The following CELF2 variants were observed in gnomAD, a reference collection of about 807,000 sequenced individuals.
CELF2 encodes the protein CUGBP Elav-like family member 2.
CELF2 carries 8 observed loss-of-function variants against 62.6 expected under a neutral mutation model. The ratio of observed to expected loss-of-function variants is 0.13; its 90% CI spans 0.07 to 0.23. The LOEUF (loss-of-function observed/expected upper bound fraction) is 0.23, where lower values mean the gene tolerates loss of function less well. CELF2 is among the 10% of genes least tolerant of loss of function. The probability of loss-of-function intolerance (pLI) is 1.00; values close to 1 mark genes in which losing one functional copy is unlikely to be tolerated. For synonymous variants in CELF2, 258 were observed against 250.0 expected (o/e 1.03, Z -0.30); for missense variants, 333 against 671.0 (o/e 0.50, Z 5.56).
chr10:11,000,180 T>A (rs1015278444), intron 2 of CELF2, among the ~76,000 whole-genome samples: 2 of 152,204 alleles, frequency 1.3e-5, no homozygotes, highest in Non-Finnish European at 1.5e-5. Flanking sequence ...TTTGTTTTTT[T>A]AATCAACTAC....
At chr10:10,866,201 T>C (rs1026240803) in intron 1 of CELF2, among the ~76,000 whole-genome samples, 2 of 152,150 alleles carry the variant, frequency 1.3e-5, no homozygotes, top group African/African-American at 2.4e-5. Context: ...TTCCATACAA[T>C]TGGACAAGGC....
At chr10:11,192,144 T>C (rs1247727465) in intron 2 of CELF2, among the ~76,000 whole-genome samples, 2 of 152,212 alleles carry the variant, frequency 1.3e-5, no homozygotes, top group African/African-American at 4.8e-5. Context: ...GTGAGATTCA[T>C]ACCTACTGAG....
At chr10:10,704,169 A>G in the CELF2 span, among the ~76,000 whole-genome samples, 5 of 152,188 alleles carry the variant, frequency 3.3e-5, no homozygotes, top group African/African-American at 7.2e-5. Context: ...TCTGATTACC[A>G]AGACTTCATT....
Position 11,124,885 on chromosome 10 carries a change from T to G in CELF2, c.75-40601T>G, listed in dbSNP as rs149296023. On this transcript the variant is annotated intron_variant, in intron 1 of 12. Transcript: ENST00000633077. ...TTCACATATGCTTATATATATTTTTTATAAAGCATGAGATTTTCTTCTTAC... is the reference window on the plus strand; with the variant it reads ...TTCACATATGCTTATATATATTTTTGATAAAGCATGAGATTTTCTTCTTAC... 9.5e-4 allele frequency among the ~76,000 whole-genome samples: 144 copies of G among 152,346 alleles called. 2 individuals carry two copies. Among genetic ancestry groups the G allele is most frequent in the Non-Finnish European group, 1.6e-3 (108 of 68,030 alleles).
At chr10:11,074,497 G>A (rs2071238155) in intron 1 of CELF2, among the ~76,000 whole-genome samples, 1 of 152,192 alleles carries the variant, frequency 6.6e-6, no homozygotes, top group Non-Finnish European at 1.5e-5. Flanking sequence ...GTAGCATGGA[G>A]TTAAAGGGAA....
intron 2 of CELF2, chr10:10,970,865 A>G (rs1237245159): frequency 6.6e-6 from 1 of 152,136 alleles, no homozygotes; most frequent in East Asian, 1.9e-4. Flanking sequence ...GGATAGAAAA[A>G]GAAAACTTTG....
At chr10:10,741,789 T>C in the CELF2 span, among the ~76,000 whole-genome samples, 2 of 152,214 alleles carry the variant, frequency 1.3e-5, no homozygotes, top group Admixed American at 6.5e-5. Flanking sequence ...AAATTACTTG[T>C]CATAGGGAAG....
chr10:11,188,335 C>T (rs1197097242), intron 2 of CELF2, among the ~76,000 whole-genome samples: 2 of 152,192 alleles, frequency 1.3e-5, no homozygotes, highest in Non-Finnish European at 2.9e-5. Flanking sequence ...GAACTCCCAA[C>T]CTCAGGTGAT....
the CELF2 span, among the ~76,000 whole-genome samples, chr10:10,725,143 T>C: frequency 6.6e-6 from 1 of 152,236 alleles, no homozygotes; most frequent in Admixed American, 6.5e-5. Flanking sequence ...CTAATTTCCC[T>C]AAGGGTGGCT....
At chr10:11,083,881 G>A (rs1167248020) in intron 1 of CELF2, among the ~76,000 whole-genome samples, 2 of 152,162 alleles carry the variant, frequency 1.3e-5, no homozygotes, top group Non-Finnish European at 2.9e-5. Flanking sequence ...TGAAACCAAG[G>A]CTGACATGTA....
chr10:10,469,599 T>A, the CELF2 span, among the ~76,000 whole-genome samples: 1 of 151,936 alleles, frequency 6.6e-6, no homozygotes, highest in Non-Finnish European at 1.5e-5. Context: ...AGATACCAGT[T>A]GTCACCTTGC....
chr10:11,326,800 C>T (rs2095759848), intron 12 of CELF2, among the ~76,000 whole-genome samples: 1 of 152,160 alleles, frequency 6.6e-6, no homozygotes, highest in African/African-American at 2.4e-5. Flanking sequence ...GCTTTAATCA[C>T]TCCTGCAATT....
the CELF2 span, among the ~76,000 whole-genome samples, chr10:10,674,495 C>A: frequency 1.3e-5 from 2 of 152,150 alleles, no homozygotes; most frequent in Non-Finnish European, 2.9e-5. Flanking sequence ...TTCATTGCTG[C>A]ATTTAGATCA....
At chr10:10,614,402 C>A in the CELF2 span, among the ~76,000 whole-genome samples, 1 of 152,112 alleles carries the variant, frequency 6.6e-6, no homozygotes, top group Non-Finnish European at 1.5e-5. Context: ...TCTCACCCAG[C>A]AGCCACATCC....
At chr10:10,818,288 G>A (rs184020684) in intron 1 of CELF2, among the ~76,000 whole-genome samples, 8 of 152,278 alleles carry the variant, frequency 5.3e-5, no homozygotes, top group Admixed American at 3.3e-4. Flanking sequence ...GCCAGCATGA[G>A]TGTATCAGTC....
chr10:11,025,233 G>GTATATATATA (rs765655486), intron 1 of CELF2, among the ~76,000 whole-genome samples: 1 of 43,614 alleles, frequency 2.3e-5, no homozygotes. Flanking sequence ...GTGTGTGTGT[G>GTATATATATA]TGTGTGTATA....
the CELF2 span, among the ~76,000 whole-genome samples, chr10:10,697,097 A>G: frequency 6.7e-6 from 1 of 149,596 alleles, no homozygotes; most frequent in Non-Finnish European, 1.5e-5. Context: ...TATTATGATG[A>G]TGTCCTGCTT....
At chr10:10,609,227 G>A in the CELF2 span, among the ~76,000 whole-genome samples, 1 of 152,158 alleles carries the variant, frequency 6.6e-6, no homozygotes, top group Non-Finnish European at 1.5e-5. Flanking sequence ...GCTGGCCAAG[G>A]CTAAAGGTAC....
the CELF2 span, among the ~76,000 whole-genome samples, chr10:10,766,239 A>C: frequency 6.6e-6 from 1 of 152,252 alleles, no homozygotes; most frequent in South Asian, 2.1e-4. Context: ...ATCCTGGCCG[A>C]GGTTTACCCT....
Sources: gnomAD v4.1 joint callset for allele counts (sites outside exome capture counted in the v4.1 genomes callset) on GRCh38, gnomAD v4.1.1 for gene constraint, MANE v1.5 for transcripts, NCBI Gene and HGNC (gene_info 2026-07-23, HGNC 2026-07-21) for gene names.